COL8A2: variants seen among roughly 807,000 people sequenced by gnomAD.
The protein encoded by COL8A2 is collagen alpha-2(VIII) chain.
In COL8A2, 16 loss-of-function variants were observed where a neutral mutation model predicts 24.0. The observed-to-expected ratio is 0.67, with a 90% CI of 0.45 to 1.01. COL8A2 has a LOEUF of 1.01. Ranked by LOEUF, COL8A2 falls within the 50% of genes least tolerant of loss-of-function variation. The probability of loss-of-function intolerance (pLI) is 0.00; values close to 1 mark genes in which losing one functional copy is unlikely to be tolerated. For missense variants in COL8A2, 818 were observed against 942.4 expected (o/e 0.87, Z 1.73); for synonymous variants, 466 against 424.5 (o/e 1.10, Z -1.20).
chr1:36,107,577 C>T (rs1643779032), intron 2 of COL8A2, among the ~76,000 whole-genome samples: 1 of 152,202 alleles, frequency 6.6e-6, no homozygotes, highest in South Asian at 2.1e-4. Context: ...TGGAACCTGG[C>T]ATGCGCCCAT....
At position 36,095,339 on chromosome 1, in the gene COL8A2, T is replaced by C. The variant is rs558352501; in HGVS notation, c.*2230A>G. ...CCATTTTCTTTGATTCCCAAGTGCA[T>C]TTTTCCTGAATCTTCTGTGATACAG... On this transcript the variant is annotated 3_prime_UTR_variant, in exon 4 of 4. Coordinates refer to ENST00000397799, the MANE Select transcript of COL8A2 (RefSeq NM_005202.4). 6.6e-6 allele frequency: 1 copy of C among 152,162 alleles called. No homozygotes were observed. The highest frequency in any genetic ancestry group is 1.5e-5 in the Non-Finnish European group (1 of 68,038). 9.4% of individuals were successfully genotyped at this position (152,162 alleles called of 1,614,324 possible). A position where few individuals can be genotyped will look rare whatever the true frequency, so the allele number is the denominator to read the frequency against.
chr1:36,100,202 A>G lies in COL8A2; in HGVS notation c.41T>C (p.Leu14Pro). 1.9e-6 allele frequency: 3 copies of G among 1,594,668 alleles called. No individual in the cohort carries two copies. The highest frequency in any genetic ancestry group is 2.6e-6 in the Non-Finnish European group (3 of 1,171,192). Residue 14 changes from leucine to proline, a missense_variant, in exon 3 of 4, where the codon CTG becomes CCG. Leu to Pro is a moderately conservative substitution (Grantham distance 98). Coordinates refer to ENST00000397799, the MANE Select transcript of COL8A2 (RefSeq NM_005202.4). ...ACACCCCAGCACCAGCACCAGTAGC[A>G]GCAGCAGCAGCGAAGACAGGGGTGT... The part of the protein sequence containing the change: ...TLTPLSSLLL[L>P]LLVLVLGCGP...
At chr1:36,101,708 G>T (rs9651004) in intron 2 of COL8A2, among the ~76,000 whole-genome samples, 11,814 of 152,230 alleles carry the variant, frequency 0.078, 1,078 homozygotes, top group East Asian at 0.3. Flanking sequence ...CAAATAAAAT[G>T]TGGTATCGCC....
intron 2 of COL8A2, among the ~76,000 whole-genome samples, chr1:36,113,127 TCAC>T (rs970945314): frequency 2.6e-5 from 4 of 151,892 alleles, no homozygotes; most frequent in African/African-American, 9.7e-5. Flanking sequence ...GGTCTAAGAG[TCAC>T]GGGGGTAAGG....
intron 2 of COL8A2, among the ~76,000 whole-genome samples, chr1:36,111,122 C>T (rs778665281): frequency 2.0e-5 from 3 of 152,150 alleles, no homozygotes; most frequent in Non-Finnish European, 4.4e-5. Flanking sequence ...ACCTCTTCCT[C>T]GGGGGCCCCT....
intron 2 of COL8A2, among the ~76,000 whole-genome samples, chr1:36,107,716 C>A (rs1265517111): frequency 6.6e-6 from 1 of 151,890 alleles, no homozygotes; most frequent in Admixed American, 6.6e-5. Context: ...CGACGGTTTG[C>A]CCCCACCCCA....
At chr1:36,108,271 C>T (rs1390440102) in intron 2 of COL8A2, among the ~76,000 whole-genome samples, 3 of 152,190 alleles carry the variant, frequency 2.0e-5, no homozygotes, top group African/African-American at 7.2e-5. Context: ...CAGGGGAGGA[C>T]ACTTCATCTG....
Position 36,108,744 on chromosome 1 carries a change from C to G in COL8A2, c.-17+6964G>C, listed in dbSNP as rs529590195. ...TGGCGGTGGTGTGCAGCAAATGGGC[C>G]CCAGCAGAAATAATTGGCAAGAAGC... On this transcript the variant is annotated intron_variant, in intron 2 of 3. Transcript: ENST00000397799. Among the ~76,000 whole-genome samples, 24 of 152,150 alleles carry G rather than the reference C, an allele frequency of 1.6e-4. No homozygotes were observed. In the South Asian group the frequency reaches 4.8e-3, roughly 30 times the overall value.
Position 36,096,112 on chromosome 1 carries a change from A to C in COL8A2, c.*1457T>G, listed in dbSNP as rs1643558947. On this transcript the variant is annotated 3_prime_UTR_variant, in exon 4 of 4. Transcript: ENST00000397799. ...ACGAGATCACAGACCGAATGACCCC[A>C]GTTCACACTTGGTACAAGGAGTGGG... 6.9e-6 allele frequency: 1 copy of C among 145,524 alleles called. No homozygotes were observed. The highest frequency in any genetic ancestry group is 6.8e-5 in the Admixed American group (1 of 14,680). 9.0% of individuals were successfully genotyped at this position (145,524 alleles called of 1,614,324 possible).
intron 1 of COL8A2, among the ~76,000 whole-genome samples, chr1:36,124,311 G>A (rs1431228187): frequency 1.3e-5 from 2 of 152,210 alleles, no homozygotes; most frequent in African/African-American, 4.8e-5. Flanking sequence ...GGGCCCTCTG[G>A]CTGAATAGCA....
intron 2 of COL8A2, among the ~76,000 whole-genome samples, chr1:36,111,142 C>T (rs1643835250): frequency 6.6e-6 from 1 of 152,182 alleles, no homozygotes; most frequent in South Asian, 2.1e-4. Context: ...TCACTGTCTG[C>T]CATTGCTGCC....
At chr1:36,113,140 G>A (rs1349261275) in intron 2 of COL8A2, among the ~76,000 whole-genome samples, 1 of 152,216 alleles carries the variant, frequency 6.6e-6, no homozygotes, top group African/African-American at 2.4e-5. Context: ...CGGGGGTAAG[G>A]AGAGGGCCAG....
At position 36,097,496 on chromosome 1, in the gene COL8A2, G is replaced by T; in HGVS notation, c.*73C>A. 1 of 1,260,942 alleles carries T rather than the reference G, an allele frequency of 7.9e-7. No homozygotes were observed. Among genetic ancestry groups the T allele is most frequent in the Non-Finnish European group, 1.1e-6 (1 of 899,120 alleles). 78.1% of individuals were successfully genotyped at this position (1,260,942 alleles called of 1,614,324 possible). On this transcript the variant is annotated 3_prime_UTR_variant, in exon 4 of 4. Coordinates refer to ENST00000397799, the MANE Select transcript of COL8A2 (RefSeq NM_005202.4). ...CAGCTTTTGTTTTTTTTTCCAGGAG[G>T]TTCTTTGTAATTGAAAAGGTCGCTC...
intron 2 of COL8A2, among the ~76,000 whole-genome samples, chr1:36,103,677 G>A (rs546745598): frequency 1.5e-4 from 23 of 150,264 alleles, no homozygotes; most frequent in Non-Finnish European, 1.2e-4. Flanking sequence ...TCTGCTTCCC[G>A]GGTTCAAGCT....
rs200214388 is a variant in COL8A2 at position 36,100,165 on chromosome 1, C to G, written c.78G>C (p.Ala26=). The change falls in exon 3 of 4, where the codon GCG becomes GCC. Residue 26 remains alanine, a synonymous_variant. Coordinates refer to ENST00000397799, the MANE Select transcript of COL8A2 (RefSeq NM_005202.4). ...CCCCACCGGCCCCGCCACCAGAGGA[C>G]GCCCGCGGCCCACACCCCAGCACCA... is the stretch of plus-strand genomic sequence containing the variant. ...LVLVLGCGPR[A]SSGGGAGGAA... is the part of the protein sequence containing the mutation. 6.2e-7 allele frequency: 1 copy of G among 1,611,158 alleles called. No individual in the cohort carries two copies. Among genetic ancestry groups the G allele is most frequent in the Non-Finnish European group, 8.5e-7 (1 of 1,179,092 alleles).
chr1:36,116,682 TGA>T (rs1227679138), intron 1 of COL8A2, among the ~76,000 whole-genome samples: 1 of 152,190 alleles, frequency 6.6e-6, no homozygotes, highest in Non-Finnish European at 1.5e-5. Context: ...TCCTGAAGGA[TGA>T]GTCGGAGTCT....
chr1:36,113,260 C>T (rs1373583254), intron 2 of COL8A2, among the ~76,000 whole-genome samples: 1 of 152,196 alleles, frequency 6.6e-6, no homozygotes, highest in South Asian at 2.1e-4. Context: ...GTGTCTCTGA[C>T]ATCTCTGTCT....
chr1:36,102,664 G>T (rs1396312882), intron 2 of COL8A2, among the ~76,000 whole-genome samples: 29 of 94,790 alleles, frequency 3.1e-4, no homozygotes, highest in Non-Finnish European at 3.9e-4. Context: ...TATAAAGCTG[G>T]TTTTTTGTTT....
chr1:36,104,175 C>A (rs1643721823), intron 2 of COL8A2, among the ~76,000 whole-genome samples: 1 of 105,670 alleles, frequency 9.5e-6, no homozygotes, highest in Non-Finnish European at 2.5e-5. Flanking sequence ...ACCTGGGCAA[C>A]AAGAGCAAAA....
Sources: gnomAD v4.1 joint callset for allele counts (sites outside exome capture counted in the v4.1 genomes callset) on GRCh38, gnomAD v4.1.1 for gene constraint, MANE v1.5 for transcripts, NCBI Gene and HGNC (gene_info 2026-07-23, HGNC 2026-07-21) for gene names.